Variants in GRM8 observed in about 807,000 individuals in gnomAD.
GRM8 encodes the protein glutamate metabotropic receptor 8.
A neutral mutation model predicts 87.2 loss-of-function variants in GRM8; 47 were observed. That is an observed-to-expected ratio of 0.54 (90% confidence interval 0.43 to 0.69). The LOEUF (loss-of-function observed/expected upper bound fraction) is 0.69, where lower values mean the gene tolerates loss of function less well. Among genes scored for constraint, GRM8 ranks in the 30% least tolerant of loss-of-function variants. The pLI, the probability that GRM8 is intolerant of heterozygous loss-of-function variation, is 0.00. For synonymous variants in GRM8, 396 were observed against 404.5 expected (o/e 0.98, Z 0.25); for missense variants, 1,019 against 1,139.2 (o/e 0.89, Z 1.52).
At chr7:126,570,781 C>T (rs1794626801) in intron 8 of GRM8, among the ~76,000 whole-genome samples, 1 of 152,154 alleles carries the variant, frequency 6.6e-6, no homozygotes, top group African/African-American at 2.4e-5. Context: ...GAAAGAGCAA[C>T]AACACAATCC....
chr7:126,552,718 T>C (rs1792718928), intron 8 of GRM8, among the ~76,000 whole-genome samples: 1 of 152,138 alleles, frequency 6.6e-6, no homozygotes, highest in African/African-American at 2.4e-5. Flanking sequence ...GTTATACATG[T>C]TATTGGTCTG....
At chr7:126,832,478 A>G (rs567682494) in intron 6 of GRM8, among the ~76,000 whole-genome samples, 1 of 152,326 alleles carries the variant, frequency 6.6e-6, no homozygotes, top group South Asian at 2.1e-4. Context: ...AAACACCCCA[A>G]TATACATAAT....
intron 6 of GRM8, among the ~76,000 whole-genome samples, chr7:126,799,563 T>A (rs1822406466): frequency 6.6e-6 from 1 of 152,108 alleles, no homozygotes; most frequent in Non-Finnish European, 1.5e-5. Context: ...ACAGGATAGA[T>A]TAAGTATCAA....
At position 126,457,079 on chromosome 7, in the gene GRM8, G is replaced by T. The variant is rs186804003; in HGVS notation, c.2431-10707C>A. Among the ~76,000 whole-genome samples the T allele has an allele frequency of 4.8e-3, 725 of 150,876 alleles. 4 individuals carry two copies. Among genetic ancestry groups the T allele is most frequent in the South Asian group, 0.021 (102 of 4,808 alleles). On this transcript the variant is annotated intron_variant, in intron 9 of 10. Transcript: ENST00000339582. ...CTGGAATGTGTCTGTGTGTGTGCCT[G>T]TGTGTGTGTGTATTGAAGTCAAAAA... is the stretch of plus-strand genomic sequence containing the variant.
intron 3 of GRM8, among the ~76,000 whole-genome samples, chr7:127,101,625 C>T (rs142985076): frequency 1.3e-5 from 2 of 152,288 alleles, no homozygotes; most frequent in East Asian, 3.9e-4. Flanking sequence ...AAAAGGCCTC[C>T]CCAGGAGCAG....
chr7:126,810,713 CTT>C (rs1318932213), intron 6 of GRM8, among the ~76,000 whole-genome samples: 1 of 152,108 alleles, frequency 6.6e-6, no homozygotes, highest in Non-Finnish European at 1.5e-5. Context: ...AGAAGGGAAA[CTT>C]TACAATTATC....
intron 6 of GRM8, among the ~76,000 whole-genome samples, chr7:126,856,758 G>A (rs1797722332): frequency 6.6e-6 from 1 of 152,164 alleles, no homozygotes; most frequent in Non-Finnish European, 1.5e-5. Context: ...CTTAGGTCAG[G>A]GAAAAGTTAG....
At chr7:126,847,226 C>A (rs1427242706) in intron 6 of GRM8, among the ~76,000 whole-genome samples, 1 of 152,110 alleles carries the variant, frequency 6.6e-6, no homozygotes, top group Admixed American at 6.6e-5. Context: ...TCAATTTGTT[C>A]TTATAGAACA....
chr7:126,763,468 TATATACAC>T (rs1401877401), intron 7 of GRM8, among the ~76,000 whole-genome samples: 1,276 of 51,948 alleles, frequency 0.025, 11 homozygotes, highest in African/African-American at 0.049. Context: ...TATATATATA[TATATACAC>T]ACACACACAC....
intron 9 of GRM8, among the ~76,000 whole-genome samples, chr7:126,526,991 T>C (rs1042744637): frequency 2.6e-5 from 4 of 152,202 alleles, no homozygotes; most frequent in African/African-American, 9.6e-5. Flanking sequence ...CCGTAATACA[T>C]TAAATAGTTC....
chr7:126,676,198 A>C (rs1370764438), intron 7 of GRM8, among the ~76,000 whole-genome samples: 1 of 152,180 alleles, frequency 6.6e-6, no homozygotes, highest in Non-Finnish European at 1.5e-5. Flanking sequence ...GATCTCTACA[A>C]GGAGACTATC....
chr7:127,205,860 C>T (rs903838301), intron 2 of GRM8, among the ~76,000 whole-genome samples: 1 of 152,118 alleles, frequency 6.6e-6, no homozygotes, highest in East Asian at 1.9e-4. Context: ...CTCTTTCCCT[C>T]ATCTCTCTCC....
intron 7 of GRM8, among the ~76,000 whole-genome samples, chr7:126,618,915 C>T (rs4534074): frequency 0.29 from 43,516 of 152,118 alleles, 7,498 homozygotes; most frequent in South Asian, 0.41. Context: ...AACACTTTTA[C>T]ACTGTTGTTG....
At chr7:127,203,820 G>A (rs1191194592) in intron 2 of GRM8, among the ~76,000 whole-genome samples, 1 of 152,006 alleles carries the variant, frequency 6.6e-6, no homozygotes. Flanking sequence ...GTTTAACTTT[G>A]CATGCATTGG....
At chr7:126,583,963 A>G (rs1269185027) in intron 8 of GRM8, among the ~76,000 whole-genome samples, 1 of 152,192 alleles carries the variant, frequency 6.6e-6, no homozygotes, top group Non-Finnish European at 1.5e-5. Context: ...ATCTTTCACG[A>G]AAGAGTCCAT....
At chr7:126,701,025 CTTTT>C (rs1201047708) in intron 7 of GRM8, among the ~76,000 whole-genome samples, 1 of 151,972 alleles carries the variant, frequency 6.6e-6, no homozygotes, top group Non-Finnish European at 1.5e-5. Flanking sequence ...TTCCTTCCTT[CTTTT>C]AATAAATGTA....
At chr7:126,693,397 A>G (rs1809026984) in intron 7 of GRM8, among the ~76,000 whole-genome samples, 1 of 152,214 alleles carries the variant, frequency 6.6e-6, no homozygotes, top group African/African-American at 2.4e-5. Context: ...GCAACCACAG[A>G]TGATCATTGT....
chr7:126,709,734 C>T (rs771333245), intron 7 of GRM8, among the ~76,000 whole-genome samples: 93 of 151,902 alleles, frequency 6.1e-4, no homozygotes, highest in Non-Finnish European at 8.4e-4. Flanking sequence ...TCCATTGTAG[C>T]ATTATTTACA....
intron 3 of GRM8, among the ~76,000 whole-genome samples, chr7:126,905,256 T>C (rs1354162576): frequency 1.3e-5 from 2 of 152,178 alleles, no homozygotes; most frequent in East Asian, 1.9e-4. Context: ...CAACTTTGGA[T>C]TGACATACAT....
Sources: gnomAD v4.1 joint callset for allele counts (sites outside exome capture counted in the v4.1 genomes callset) on GRCh38, gnomAD v4.1.1 for gene constraint, MANE v1.5 for transcripts, NCBI Gene and HGNC (gene_info 2026-07-23, HGNC 2026-07-21) for gene names.